Variants in STK10 observed in about 807,000 individuals in gnomAD.
STK10 encodes serine/threonine-protein kinase 10.
STK10 carries 78 observed loss-of-function variants against 113.8 expected under a neutral mutation model. The ratio of observed to expected loss-of-function variants is 0.69; its 90% CI spans 0.57 to 0.83. The LOEUF (loss-of-function observed/expected upper bound fraction) is 0.83, where lower values mean the gene tolerates loss of function less well. Among genes scored for constraint, STK10 ranks in the 40% least tolerant of loss-of-function variants. STK10 has a pLI of 0.00. For missense variants in STK10, 1,109 were observed against 1,280.1 expected (o/e 0.87, Z 2.04); for synonymous variants, 465 against 494.7 (o/e 0.94, Z 0.80).
intron 1 of STK10, among the ~76,000 whole-genome samples, chr5:172,177,985 C>A (rs1478063488): frequency 6.6e-6 from 1 of 152,212 alleles, no homozygotes; most frequent in African/African-American, 2.4e-5. Flanking sequence ...TGAGCCACCA[C>A]ACCCAGCTAA....
intron 8 of STK10, among the ~76,000 whole-genome samples, chr5:172,095,625 C>G (rs929876582): frequency 6.6e-6 from 1 of 152,248 alleles, no homozygotes; most frequent in Non-Finnish European, 1.5e-5. Context: ...CCCTGCCCTT[C>G]GGGCTTTCCT....
chr5:172,116,211 G>C (rs906624614), intron 4 of STK10, among the ~76,000 whole-genome samples: 38 of 152,184 alleles, frequency 2.5e-4, no homozygotes, highest in Admixed American at 9.2e-4. Context: ...CTCCTGAGTA[G>C]CTGGGAATAC....
chr5:172,063,213 G>A (rs921035105), intron 13 of STK10, among the ~76,000 whole-genome samples: 2 of 151,222 alleles, frequency 1.3e-5, no homozygotes, highest in African/African-American at 4.9e-5. Flanking sequence ...TCGTGCCACC[G>A]CACTCCAGCC....
At chr5:172,184,743 A>ACGGGTTCAAGCAATTCTC (rs1440828837) in intron 1 of STK10, among the ~76,000 whole-genome samples, 1 of 152,070 alleles carries the variant, frequency 6.6e-6, no homozygotes, top group Non-Finnish European at 1.5e-5. Context: ...CCTCCGCCTC[A>ACGGGTTCAAGCAATTCTC]CGGGTTCAAG....
In STK10 at chr5:172,088,663, C is replaced by T. The variant is rs563727460; in HGVS notation, c.1685+1569G>A. Among the ~76,000 whole-genome samples the T allele has an allele frequency of 4.6e-5, 7 of 152,268 alleles. No individual in the cohort carries two copies. The South Asian group carries it at 1.5e-3, about 32-fold the overall frequency. ...CTGGCCCCCAGGGGACTCCGTGGCT[C>T]CATGGCCTCCCTAAGTGTTAAGCTC... is the stretch of plus-strand genomic sequence containing the variant. On this transcript the variant is annotated intron_variant, in intron 10 of 18. Coordinates refer to ENST00000176763, the MANE Select transcript of STK10 (RefSeq NM_005990.4).
At chr5:172,145,448 G>A (rs1770065951) in intron 2 of STK10, among the ~76,000 whole-genome samples, 1 of 152,224 alleles carries the variant, frequency 6.6e-6, no homozygotes, top group African/African-American at 2.4e-5. Flanking sequence ...AGGCGGCGGG[G>A]GTGGGGCAGT....
Position 172,156,766 on chromosome 5 carries a change from G to A in STK10, c.179C>T (p.Ala60Val), listed in dbSNP as rs1770355333. ...TTCAATGACTTTGGCCGCAGCCAAAGCACCCGTCTCCTTATTCTTGGCCTG... is the reference window on the plus strand; with the variant it reads ...TTCAATGACTTTGGCCGCAGCCAAAACACCCGTCTCCTTATTCTTGGCCTG... ...VYKAKNKETG[A>V]LAAAKVIETK... The change falls in exon 2 of 19, where the codon GCT (alanine) becomes GTT (valine). Residue 60 changes from alanine (A) to valine (V), a missense_variant. Physicochemically the swap from Ala to Val is moderately conservative, Grantham distance 64. This residue lies in a region of STK10 where 120 missense variants were observed against 134.8 expected (regional missense o/e 0.89). Transcript: ENST00000176763. The A allele has an allele frequency of 1.2e-6, 2 of 1,613,832 alleles. No individual in the cohort carries two copies. The highest frequency in any genetic ancestry group is 1.7e-6 in the Non-Finnish European group (2 of 1,179,876).
At chr5:172,168,056 CG>C (rs985120200) in intron 1 of STK10, among the ~76,000 whole-genome samples, 5 of 152,160 alleles carry the variant, frequency 3.3e-5, no homozygotes, top group Non-Finnish European at 7.3e-5. Context: ...GCTGACCTGT[CG>C]GATGAAAAGC....
chr5:172,138,897 C>T (rs1189663730), intron 2 of STK10, among the ~76,000 whole-genome samples: 1 of 152,014 alleles, frequency 6.6e-6, no homozygotes, highest in Non-Finnish European at 1.5e-5. Flanking sequence ...GCCTGTAGTC[C>T]CAGCTACTCG....
At chr5:172,180,459 C>T (rs1157682487) in intron 1 of STK10, among the ~76,000 whole-genome samples, 2 of 148,950 alleles carry the variant, frequency 1.3e-5, no homozygotes, top group Non-Finnish European at 3.0e-5. Context: ...AGCAAGACTT[C>T]GTCTCAAAAA....
intron 2 of STK10, among the ~76,000 whole-genome samples, chr5:172,141,537 C>G (rs1478432802): frequency 6.6e-6 from 1 of 150,842 alleles, no homozygotes; most frequent in African/African-American, 2.4e-5. Flanking sequence ...GCCGATTGTG[C>G]CACTACATAC....
chr5:172,081,531 G>T (rs999067497), intron 12 of STK10, among the ~76,000 whole-genome samples: 2 of 152,072 alleles, frequency 1.3e-5, no homozygotes, highest in African/African-American at 4.8e-5. Flanking sequence ...GTATCTCCGA[G>T]GTATATCTGT....
At chr5:172,114,469 A>ATTTTTT (rs1561813222) in intron 4 of STK10, 32 of 36,168 alleles carry the variant, frequency 8.8e-4, no homozygotes, top group Non-Finnish European at 1.6e-3. Context: ...ATATATATAT[A>ATTTTTT]TATATTTTTT....
intron 10 of STK10, among the ~76,000 whole-genome samples, chr5:172,084,305 C>G (rs1768501273): frequency 6.6e-6 from 1 of 151,994 alleles, no homozygotes; most frequent in Admixed American, 6.6e-5. Context: ...GAGGCTGAGG[C>G]AAGAGAATCG....
In STK10 at chr5:172,187,782, G is replaced by A; in HGVS notation, c.156+105C>T. On this transcript the variant is annotated intron_variant, in intron 1 of 18. Coordinates refer to ENST00000176763, the MANE Select transcript of STK10 (RefSeq NM_005990.4). The surrounding 1 kb of genome is among the most constrained non-coding windows in gnomAD (Gnocchi z 4.6). Reference sequence around the variant, plus strand: ...GGCCAGGGACCCCGAATTCAGCGCCGGGCAGCCCTCGGAGCCGGAGCCAGG... The same window carrying A: ...GGCCAGGGACCCCGAATTCAGCGCCAGGCAGCCCTCGGAGCCGGAGCCAGG... The A allele has an allele frequency of 4.7e-6, 7 of 1,493,918 alleles. No individual in the cohort carries two copies. In the South Asian group the frequency reaches 8.7e-5, roughly 18 times the overall value. The allele number at this position is 1,493,918 out of a possible 1,614,324, so 92.5% of individuals were successfully genotyped here.
intron 2 of STK10, among the ~76,000 whole-genome samples, chr5:172,151,325 G>A (rs543816046): frequency 1.4e-3 from 205 of 151,744 alleles, no homozygotes; most frequent in African/African-American, 4.6e-3. Flanking sequence ...CGACCTTTGC[G>A]TTTTTCTTTT....
At chr5:172,054,973 G>A (rs1023856229) in intron 16 of STK10, among the ~76,000 whole-genome samples, 2 of 152,172 alleles carry the variant, frequency 1.3e-5, no homozygotes, top group African/African-American at 2.4e-5. Flanking sequence ...ACAAGGGCCC[G>A]TGTGCCCGAG....
At chr5:172,160,143 A>G (rs1367644420) in intron 1 of STK10, among the ~76,000 whole-genome samples, 1 of 145,228 alleles carries the variant, frequency 6.9e-6, no homozygotes, top group East Asian at 2.0e-4. Context: ...CTCAAAAAAA[A>G]AAGAAAGAAA....
chr5:172,164,387 AC>A (rs1770527506), intron 1 of STK10, among the ~76,000 whole-genome samples: 1 of 152,166 alleles, frequency 6.6e-6, no homozygotes, highest in Admixed American at 6.6e-5. Flanking sequence ...GGTCTGAGGC[AC>A]TAAAGCTGAG....
Sources: gnomAD v4.1 joint callset for allele counts (sites outside exome capture counted in the v4.1 genomes callset) on GRCh38, gnomAD v4.1.1 for gene constraint, gnomAD v4.1.1 regional missense constraint, Gnocchi (gnomAD v3.1) non-coding constraint, MANE v1.5 for transcripts, NCBI Gene and HGNC (gene_info 2026-07-23, HGNC 2026-07-21) for gene names.